The following REV1 variants were observed in gnomAD, a reference collection of about 807,000 sequenced individuals.
The protein encoded by REV1 is translesion synthesis protein REV1.
A neutral mutation model predicts 137.4 loss-of-function variants in REV1; 42 were observed. The observed-to-expected ratio is 0.31, with a 90% CI of 0.24 to 0.40. REV1 has a LOEUF of 0.40. Ranked by LOEUF, REV1 falls within the 10% of genes least tolerant of loss-of-function variation. The pLI, the probability that REV1 is intolerant of heterozygous loss-of-function variation, is 1.00. For synonymous variants in REV1, 524 were observed against 519.2 expected, an observed-to-expected ratio of 1.01 and a Z score of -0.12; for missense variants, 1,282 against 1,490.1, an observed-to-expected ratio of 0.86 and a Z score of 2.30.
At position 99,431,531 on chromosome 2, in the gene REV1, T is replaced by C. The variant is rs544243353; in HGVS notation, c.1439-1583A>G. Among the ~76,000 whole-genome samples the C allele has an allele frequency of 7.0e-5, 10 of 142,856 alleles. No homozygotes were observed. The East Asian group carries it at 1.5e-3, about 22-fold the overall frequency. The allele number at this position is 142,856 out of a possible 152,430, so 93.7% of individuals were successfully genotyped here. ...TGAAGCTTGAACAGCCACAACCAAC[T>C]GTCTTTCCAAGGTGTAACCATGAGT... On this transcript the variant is annotated intron_variant, in intron 8 of 22. Transcript: ENST00000258428.
rs1291912893 is a variant in REV1, at chr2:99,439,082, G to C, written c.732C>G (p.Pro244=). ...GCCTGCTGGCAACACTGTTGACCATGGGCACCAAGCAATCCTGTGTCTTTA... is the reference window on the plus strand; with the variant it reads ...GCCTGCTGGCAACACTGTTGACCATCGGCACCAAGCAATCCTGTGTCTTTA... ...GALKTQDCLV[P]MVNSVASRLS... is the part of the protein sequence containing the mutation. Residue 244 remains proline, a synonymous_variant, in exon 6 of 23, where the codon CCC becomes CCG. Coordinates refer to ENST00000258428, the MANE Select transcript of REV1 (RefSeq NM_016316.4). 4.3e-6 allele frequency: 7 copies of C among 1,613,954 alleles called. No individual in the cohort carries two copies. In the East Asian group the frequency reaches 8.9e-5, roughly 21 times the overall value.
At chr2:99,420,200 C>T (rs1238228085) in intron 11 of REV1, among the ~76,000 whole-genome samples, 1 of 152,184 alleles carries the variant, frequency 6.6e-6, no homozygotes, top group Non-Finnish European at 1.5e-5. Context: ...TGTAGGAATG[C>T]TGGGAATGTA....
At chr2:99,469,813 C>A (rs1161023701) in intron 1 of REV1, among the ~76,000 whole-genome samples, 2 of 152,074 alleles carry the variant, frequency 1.3e-5, no homozygotes, top group Admixed American at 6.5e-5. Flanking sequence ...TTACTATCTA[C>A]CCCGAGAATT....
At chr2:99,425,330 G>A (rs963763719) in intron 9 of REV1, among the ~76,000 whole-genome samples, 36 of 152,266 alleles carry the variant, frequency 2.4e-4, no homozygotes, top group Non-Finnish European at 3.2e-4. Flanking sequence ...TATAAAAATA[G>A]TAATATTATA....
At chr2:99,465,069 G>A (rs1559394998) in intron 1 of REV1, 84 bp from the exon 2 acceptor site, 4 of 1,182,794 alleles carry the variant, frequency 3.4e-6, no homozygotes, top group East Asian at 2.6e-5. Context: ...TCAAGAAAAT[G>A]AGAAATTAAA....
At chr2:99,453,737 A>G (rs1185275537) in intron 3 of REV1, among the ~76,000 whole-genome samples, 1 of 151,780 alleles carries the variant, frequency 6.6e-6, no homozygotes, top group African/African-American at 2.4e-5. Context: ...TACTAAAAAT[A>G]CAAAAATCAG....
chr2:99,486,124 C>CA (rs1356445850), intron 1 of REV1, among the ~76,000 whole-genome samples: 1 of 152,080 alleles, frequency 6.6e-6, no homozygotes, highest in Non-Finnish European at 1.5e-5. Context: ...GACCCTGTCT[C>CA]AAAAAATGTT....
At chr2:99,418,235 T>C (rs1437487277) in intron 12 of REV1, among the ~76,000 whole-genome samples, 1 of 152,194 alleles carries the variant, frequency 6.6e-6, no homozygotes, top group East Asian at 1.9e-4. Context: ...TTATAATAAA[T>C]AGGTAACTAC....
At chr2:99,441,773 A>G (rs896166296) in intron 5 of REV1, among the ~76,000 whole-genome samples, 2 of 152,240 alleles carry the variant, frequency 1.3e-5, no homozygotes, top group Non-Finnish European at 2.9e-5. Flanking sequence ...CACTAGTTTA[A>G]GGTGAGAAAC....
intron 12 of REV1, 61 bp downstream of exon 12, chr2:99,418,767 T>C (rs1299902496): frequency 2.0e-6 from 3 of 1,488,318 alleles, no homozygotes; most frequent in East Asian, 2.3e-5. Flanking sequence ...TTCTATATTA[T>C]AGATATGAAA....
At chr2:99,442,526 T>C (rs1175916960) in intron 4 of REV1, 57 bp from the exon 5 acceptor site, 4 of 1,486,512 alleles carry the variant, frequency 2.7e-6, no homozygotes, top group Admixed American at 3.5e-5. Flanking sequence ...ATGAGCTTCA[T>C]GAAAAATATT....
intron 11 of REV1, among the ~76,000 whole-genome samples, 200 bp from the exon 12 acceptor site, chr2:99,419,147 C>G (rs981829520): frequency 2.6e-5 from 4 of 151,418 alleles, no homozygotes; most frequent in Admixed American, 2.6e-4. Context: ...TCTCTTTGCT[C>G]TAACGCAAGT....
intron 1 of REV1, among the ~76,000 whole-genome samples, chr2:99,468,629 T>G (rs1233623412): frequency 6.6e-6 from 1 of 152,230 alleles, no homozygotes; most frequent in Non-Finnish European, 1.5e-5. Context: ...CCTTGAGGAA[T>G]GTGATAACAG....
chr2:99,441,810 A>G (rs1346689105), intron 5 of REV1, among the ~76,000 whole-genome samples: 2 of 152,220 alleles, frequency 1.3e-5, no homozygotes, highest in Non-Finnish European at 2.9e-5. Flanking sequence ...ACTTACTTAC[A>G]TTTATGAAAT....
chr2:99,415,846 G>A (rs998963549), intron 12 of REV1, among the ~76,000 whole-genome samples: 3 of 152,238 alleles, frequency 2.0e-5, no homozygotes, highest in Non-Finnish European at 2.9e-5. Context: ...GAGTGCATGC[G>A]CAGGTAAAAA....
chr2:99,422,214 C>T (rs1188626086), intron 10 of REV1, among the ~76,000 whole-genome samples: 3 of 152,196 alleles, frequency 2.0e-5, no homozygotes, highest in Admixed American at 1.3e-4. Context: ...GTTATCTACA[C>T]TCTCTGCATG....
rs1458472750 is a variant in REV1, at chr2:99,402,302, C to T, written c.3586G>A (p.Asp1196Asn). ...DILQVVKYCT[D>N]LIEEKDLEKL... ...TCCAAATCTTTTTCTTCTATTAGATCAGTACAGTATTTCACAACTTGGAGA... is the reference window on the plus strand; with the variant it reads ...TCCAAATCTTTTTCTTCTATTAGATTAGTACAGTATTTCACAACTTGGAGA... Residue 1196 changes from aspartate (D) to asparagine (N), a missense_variant, in exon 22 of 23, where the codon GAT (aspartate) becomes AAT (asparagine). By Grantham distance (23) the Asp-to-Asn change is conservative (BLOSUM62 1). Transcript: ENST00000258428. 18 of 1,534,350 alleles carry T rather than the reference C, an allele frequency of 1.2e-5. No homozygotes were observed. The highest frequency in any genetic ancestry group is 1.6e-5 in the Non-Finnish European group (18 of 1,120,060).
At chr2:99,404,311 C>CTCCCA in intron 18 of REV1, 133 bp downstream of exon 18, 1 of 689,078 alleles carries the variant, frequency 1.5e-6, no homozygotes, top group Non-Finnish European at 2.5e-6. Context: ...CCACTCTCCC[C>CTCCCA]TCCCCTCCCC....
intron 15 of REV1, 65 bp downstream of exon 15, chr2:99,407,964 G>A: frequency 1.0e-6 from 1 of 971,768 alleles, no homozygotes; most frequent in Non-Finnish European, 1.5e-6. Context: ...CCTTTTGAGA[G>A]CAAGCCTCAA....
Sources: allele counts gnomAD v4.1 joint callset (sites outside exome capture counted in the v4.1 genomes callset), GRCh38; gene constraint gnomAD v4.1.1; transcripts MANE v1.5; gene names NCBI Gene and HGNC (gene_info 2026-07-23, HGNC 2026-07-21).